Variants in ARHGAP26 observed in about 807,000 individuals in gnomAD.
ARHGAP26 encodes the protein rho GTPase-activating protein 26.
A neutral mutation model predicts 104.8 loss-of-function variants in ARHGAP26; 38 were observed. That is an observed-to-expected ratio of 0.36 (90% CI 0.28 to 0.48). ARHGAP26 has a LOEUF of 0.48. ARHGAP26 is among the 20% of genes least tolerant of loss of function. The pLI is 0.99. For synonymous variants in ARHGAP26, 341 were observed against 340.0 expected (o/e 1.00, Z -0.03); for missense variants, 704 against 947.9 (o/e 0.74, Z 3.38).
intron 11 of ARHGAP26, among the ~76,000 whole-genome samples, chr5:142,951,309 C>T (rs893502151): frequency 2.0e-5 from 3 of 152,262 alleles, no homozygotes; most frequent in African/African-American, 7.2e-5. Context: ...ATCCGCCCGC[C>T]TCGACCTCCC....
chr5:142,780,690 T>A (rs565674696), intron 1 of ARHGAP26, among the ~76,000 whole-genome samples: 12 of 152,236 alleles, frequency 7.9e-5, no homozygotes, highest in Admixed American at 7.2e-4. Flanking sequence ...TTCCTAGTGA[T>A]GGTGCTGTTG....
At chr5:143,177,518 A>G (rs967625235) in intron 20 of ARHGAP26, among the ~76,000 whole-genome samples, 4 of 152,216 alleles carry the variant, frequency 2.6e-5, no homozygotes, top group Non-Finnish European at 5.9e-5. Context: ...TGTATTTGAT[A>G]TGCATGCTCA....
chr5:142,796,802 A>C (rs951034801), intron 1 of ARHGAP26, among the ~76,000 whole-genome samples: 4 of 152,310 alleles, frequency 2.6e-5, no homozygotes, highest in Admixed American at 2.0e-4. Flanking sequence ...AGTCCACTGA[A>C]TATTTCTGTT....
chr5:143,030,092 G>C (rs1002939598), intron 12 of ARHGAP26, among the ~76,000 whole-genome samples: 2 of 152,104 alleles, frequency 1.3e-5, no homozygotes, highest in African/African-American at 4.8e-5. Flanking sequence ...CAAATTGGGC[G>C]ATTTGGCCAC....
intron 11 of ARHGAP26, among the ~76,000 whole-genome samples, chr5:142,979,081 A>G (rs959298653): frequency 2.6e-5 from 4 of 152,218 alleles, no homozygotes; most frequent in Admixed American, 2.0e-4. Flanking sequence ...TGAGGCCATT[A>G]TGGAAATCTC....
At chr5:142,915,260 C>T (rs1273655970) in intron 10 of ARHGAP26, among the ~76,000 whole-genome samples, 1 of 151,890 alleles carries the variant, frequency 6.6e-6, no homozygotes, top group African/African-American at 2.4e-5. Context: ...AGTGGGCTTG[C>T]GAGTCGATTG....
At chr5:143,221,747 T>G (rs1259025184) in intron 22 of ARHGAP26, among the ~76,000 whole-genome samples, 2 of 152,178 alleles carry the variant, frequency 1.3e-5, no homozygotes, top group Non-Finnish European at 2.9e-5. Context: ...GTTCTTAAAC[T>G]CCTGGGCTAA....
intron 10 of ARHGAP26, among the ~76,000 whole-genome samples, chr5:142,925,231 A>G (rs1275902107): frequency 1.3e-5 from 2 of 152,084 alleles, no homozygotes; most frequent in African/African-American, 4.8e-5. Flanking sequence ...CACCTCCCCC[A>G]TGAAGACGAG....
intron 17 of ARHGAP26, among the ~76,000 whole-genome samples, chr5:143,094,401 G>A (rs1791973600): frequency 6.6e-6 from 1 of 152,128 alleles, no homozygotes; most frequent in Non-Finnish European, 1.5e-5. Flanking sequence ...GGTGGGTCTT[G>A]ATTTCTCACC....
At chr5:142,793,459 A>G (rs1270887857) in intron 1 of ARHGAP26, among the ~76,000 whole-genome samples, 1 of 151,994 alleles carries the variant, frequency 6.6e-6, no homozygotes, top group Non-Finnish European at 1.5e-5. Flanking sequence ...GAGATGGAAT[A>G]GATGGGGAAA....
chr5:142,904,383 G>T (rs1159381689), intron 8 of ARHGAP26, among the ~76,000 whole-genome samples: 1 of 151,968 alleles, frequency 6.6e-6, no homozygotes, highest in Non-Finnish European at 1.5e-5. Flanking sequence ...CCAGCTACTT[G>T]GGAGGCTGAG....
chr5:142,927,457 A>C (rs907224435), intron 10 of ARHGAP26, among the ~76,000 whole-genome samples: 2 of 152,104 alleles, frequency 1.3e-5, no homozygotes, highest in African/African-American at 4.8e-5. Context: ...TTCCCTCATC[A>C]TTATGTCTCT....
intron 20 of ARHGAP26, among the ~76,000 whole-genome samples, chr5:143,153,882 CCTGT>C (rs1267888171): frequency 6.6e-6 from 1 of 152,180 alleles, no homozygotes; most frequent in African/African-American, 2.4e-5. Flanking sequence ...ACCTTCTTCT[CCTGT>C]CTTAGTGGCC....
intron 6 of ARHGAP26, 81 bp from the exon 7 acceptor site, chr5:142,901,854 G>T: frequency 9.0e-7 from 1 of 1,107,894 alleles, no homozygotes; most frequent in Non-Finnish European, 1.4e-6. Flanking sequence ...TTTCAAGCCA[G>T]TGTTGGGAGC....
chr5:143,155,229 T>C (rs1026991974), intron 20 of ARHGAP26, among the ~76,000 whole-genome samples: 10 of 152,148 alleles, frequency 6.6e-5, no homozygotes, highest in African/African-American at 1.9e-4. Context: ...TACTCGTTCA[T>C]TGTTGTTTCT....
chr5:143,211,409 C>A (rs1809438474), intron 21 of ARHGAP26, among the ~76,000 whole-genome samples: 1 of 152,068 alleles, frequency 6.6e-6, no homozygotes, highest in Non-Finnish European at 1.5e-5. Flanking sequence ...CAGGAATGGC[C>A]CCCTTTAAAA....
chr5:143,063,282 A>G (rs1311261997), intron 17 of ARHGAP26, among the ~76,000 whole-genome samples: 1 of 152,044 alleles, frequency 6.6e-6, no homozygotes, highest in Non-Finnish European at 1.5e-5. Flanking sequence ...CCTGTAGTCC[A>G]AGCTGCCATT....
At chr5:143,113,433 C>T (rs1168626897) in intron 17 of ARHGAP26, among the ~76,000 whole-genome samples, 1 of 152,190 alleles carries the variant, frequency 6.6e-6, no homozygotes, top group Non-Finnish European at 1.5e-5. Flanking sequence ...GAAAGCAGTA[C>T]AGCCTGGATG....
intron 22 of ARHGAP26, among the ~76,000 whole-genome samples, chr5:143,217,093 A>G (rs2151420503): frequency 6.6e-6 from 1 of 152,268 alleles, no homozygotes; most frequent in Non-Finnish European, 1.5e-5. Context: ...GTCAGATTAA[A>G]TGATCAAACC....
Sources: gnomAD v4.1 joint callset for allele counts (sites outside exome capture counted in the v4.1 genomes callset) on GRCh38, gnomAD v4.1.1 for gene constraint, MANE v1.5 for transcripts, NCBI Gene and HGNC (gene_info 2026-07-23, HGNC 2026-07-21) for gene names.